Variants in CPZ observed in about 807,000 individuals in gnomAD.
CPZ encodes carboxypeptidase Z.
In CPZ, 103 loss-of-function variants were observed where a neutral mutation model predicts 61.8. The ratio of observed to expected loss-of-function variants is 1.67; its 90% CI spans 1.42 to 1.96. The LOEUF is 1.96. CPZ is among the 30% of genes most tolerant of loss of function. The probability of loss-of-function intolerance (pLI) is 0.00; values close to 1 mark genes in which losing one functional copy is unlikely to be tolerated. For missense variants in CPZ, 1,461 were observed against 914.9 expected, an observed-to-expected ratio of 1.60 and a Z score of -7.70; for synonymous variants, 551 against 373.7, an observed-to-expected ratio of 1.47 and a Z score of -5.47.
intron 1 of CPZ, among the ~76,000 whole-genome samples, chr4:8,596,001 G>C (rs533542498): frequency 2.9e-5 from 4 of 140,180 alleles, no homozygotes; most frequent in Non-Finnish European, 6.2e-5. Flanking sequence ...CAGGGAGTGC[G>C]GCCCTGCAGA....
intron 9 of CPZ, 149 bp from the exon 10 acceptor site, chr4:8,618,280 G>A (rs1309904036): frequency 7.6e-6 from 5 of 657,702 alleles, no homozygotes; most frequent in East Asian, 2.7e-5. Context: ...CGTTAAAGAT[G>A]GCAGAGCGAG....
chr4:8,595,004 C>T (rs1714072317), intron 1 of CPZ, among the ~76,000 whole-genome samples: 2 of 152,186 alleles, frequency 1.3e-5, no homozygotes, highest in Non-Finnish European at 2.9e-5. Flanking sequence ...GATCTCCTGA[C>T]CCCGTGATCC....
chr4:8,611,951 C>T, intron 7 of CPZ, 76 bp from the exon 8 acceptor site: 1 of 1,605,896 alleles, frequency 6.2e-7, no homozygotes, highest in Non-Finnish European at 8.5e-7. Flanking sequence ...CGCGCAGCTC[C>T]TCCCCTCATT....
rs1357603477 is a variant in CPZ at position 8,619,731 on chromosome 4, T to C, written c.*114T>C. The C allele has an allele frequency of 9.8e-6, 8 of 812,622 alleles. No homozygotes were observed. The African/African-American group carries it at 1.1e-4, about 11-fold the overall frequency. The allele number at this position is 812,622 out of a possible 1,614,324, so 50.3% of individuals were successfully genotyped here. A position where few individuals can be genotyped will look rare whatever the true frequency, so the allele number is the denominator to read the frequency against. ...ATCCCACAAAGCCGCTGCCATTTTA[T>C]TAAAGTGTTTTGATCCACTTTGCAC... On this transcript the variant is annotated 3_prime_UTR_variant, in exon 11 of 11. Transcript: ENST00000360986.
chr4:8,616,998 CAG>C (rs1716230199), intron 9 of CPZ, among the ~76,000 whole-genome samples: 1 of 152,158 alleles, frequency 6.6e-6, no homozygotes, highest in Admixed American at 6.5e-5. Flanking sequence ...CCCTGTGGCA[CAG>C]AGATAAGTGC....
chr4:8,605,611 C>CATCATTGATAT (rs1714916077), intron 4 of CPZ, among the ~76,000 whole-genome samples: 4 of 140,680 alleles, frequency 2.8e-5, no homozygotes, highest in East Asian at 2.0e-4. Flanking sequence ...TCCATCCATC[C>CATCATTGATAT]ATCCATCCAT....
At chr4:8,609,448 C>T (rs1355467112) in intron 7 of CPZ, among the ~76,000 whole-genome samples, 1 of 152,240 alleles carries the variant, frequency 6.6e-6, no homozygotes, top group Non-Finnish European at 1.5e-5. Context: ...TTGACTCTTG[C>T]AGGTAGTGCA....
rs368212553 is a variant in CPZ, at chr4:8,606,044, G to C, written c.765G>C (p.Arg255=). The change falls in exon 5 of 11, where the codon CGG becomes CGC. Residue 255 remains arginine (R), a synonymous_variant. Coordinates refer to ENST00000360986, the MANE Select transcript of CPZ (RefSeq NM_001014447.3). ...GNIHGNEVAG[R]EMLIYLAQYL... is the part of the protein sequence containing the mutation. ...TTCATGGCAACGAGGTGGCGGGCCG[G>C]GAGATGCTCATCTACCTAGCCCAGT... The C allele has an allele frequency of 1.9e-6, 3 of 1,614,142 alleles. No individual in the cohort carries two copies. The highest frequency in any genetic ancestry group is 2.5e-6 in the Non-Finnish European group (3 of 1,180,004).
chr4:8,606,612 A>AT, intron 5 of CPZ, 125 bp from the exon 6 acceptor site: 1 of 1,245,320 alleles, frequency 8.0e-7, no homozygotes, highest in Non-Finnish European at 1.2e-6. Flanking sequence ...CCCCGAGCTC[A>AT]TCACATAAAG....
In CPZ at chr4:8,598,218, G is replaced by T. The variant is rs180954557; in HGVS notation, c.89-1235G>T. On this transcript the variant is annotated intron_variant, in intron 1 of 10. Transcript: ENST00000360986. Reference sequence around the variant, plus strand: ...CCCACAAGAGCTCTGTGAGCTGAATGGTGTAGGGATCCAGGACTGTGGTTG... The same window carrying T: ...CCCACAAGAGCTCTGTGAGCTGAATTGTGTAGGGATCCAGGACTGTGGTTG... 3.8e-4 allele frequency among the ~76,000 whole-genome samples: 58 copies of T among 152,360 alleles called. No homozygotes were observed. In the East Asian group the frequency reaches 9.4e-3, roughly 25 times the overall value.
At chr4:8,619,188 A>C in intron 10 of CPZ, 74 bp from the exon 11 acceptor site, 1 of 1,332,304 alleles carries the variant, frequency 7.5e-7, no homozygotes, top group Non-Finnish European at 1.0e-6. Context: ...CTCCCCACTC[A>C]TATCCATCAC....
intron 4 of CPZ, among the ~76,000 whole-genome samples, chr4:8,605,595 T>TATTC (rs1413397954): frequency 1.9e-5 from 2 of 103,492 alleles, no homozygotes; most frequent in East Asian, 2.9e-4. Context: ...AGCCAGCCAT[T>TATTC]ATTCATCCAT....
intron 7 of CPZ, among the ~76,000 whole-genome samples, chr4:8,609,172 C>CATTTACT (rs1715371197): frequency 2.4e-5 from 1 of 41,854 alleles, no homozygotes; most frequent in African/African-American, 1.3e-4. Context: ...ATTCACTCAC[C>CATTTACT]CATTCACTCA....
chr4:8,594,017 C>T (rs760032857), intron 1 of CPZ, among the ~76,000 whole-genome samples: 6 of 152,180 alleles, frequency 3.9e-5, no homozygotes, highest in East Asian at 1.9e-4. Flanking sequence ...ACAGCCCCCT[C>T]CTCCAGGAAG....
chr4:8,605,620 A>G (rs1345452355), intron 4 of CPZ, among the ~76,000 whole-genome samples: 2 of 137,190 alleles, frequency 1.5e-5, no homozygotes, highest in African/African-American at 5.8e-5. Context: ...CCATCCATCC[A>G]TCCATCATTG....
At chr4:8,614,969 G>A (rs1004825868) in intron 9 of CPZ, among the ~76,000 whole-genome samples, 1 of 152,114 alleles carries the variant, frequency 6.6e-6, no homozygotes, top group East Asian at 1.9e-4. Flanking sequence ...GAGAGCCGCT[G>A]GGGCTGTGGT....
chr4:8,601,627 G>A (rs1714584550), intron 3 of CPZ, 130 bp downstream of exon 3: 1 of 1,046,120 alleles, frequency 9.6e-7, no homozygotes, highest in East Asian at 2.8e-5. Flanking sequence ...TAGAGGGCGG[G>A]GCTGCTCCCC....
At chr4:8,609,146 A>AG (rs1715357978) in intron 7 of CPZ, among the ~76,000 whole-genome samples, 1 of 126,886 alleles carries the variant, frequency 7.9e-6, no homozygotes, top group East Asian at 2.3e-4. Flanking sequence ...TTACTCATTC[A>AG]CCCACTCCCT....
chr4:8,612,186 T>TGGGGTGGGGGGTTTCCCGCGGGGG, intron 8 of CPZ, 24 bp downstream of exon 8: 1 of 179,708 alleles, frequency 5.6e-6, no homozygotes, highest in Non-Finnish European at 7.5e-6. Flanking sequence ...AGGGCGGGAC[T>TGGGGTGGGGGGTTTCCCGCGGGGG]GGGCGGGGGG....
Sources: gnomAD v4.1 joint callset for allele counts (sites outside exome capture counted in the v4.1 genomes callset) on GRCh38, gnomAD v4.1.1 for gene constraint, MANE v1.5 for transcripts, NCBI Gene and HGNC (gene_info 2026-07-23, HGNC 2026-07-21) for gene names.